Variants in DCAF16 observed in about 807,000 individuals in gnomAD.
DCAF16 encodes the protein DDB1- and CUL4-associated factor 16.
A neutral mutation model predicts 17.3 loss-of-function variants in DCAF16; 10 were observed. That is an observed-to-expected ratio of 0.58 (90% CI 0.36 to 0.98). The LOEUF is 0.98. Among genes scored for constraint, DCAF16 ranks in the 50% least tolerant of loss-of-function variants. The pLI is 0.01. For missense variants in DCAF16, 249 were observed against 247.6 expected (o/e 1.01, Z -0.04); for synonymous variants, 111 against 92.8 (o/e 1.20, Z -1.12).
Position 17,802,655 on chromosome 4 carries a change from A to G in DCAF16, c.*836T>C, listed in dbSNP as rs1400137280. 2 of 150,422 alleles carry G rather than the reference A, an allele frequency of 1.3e-5. No homozygotes were observed. Among genetic ancestry groups the G allele is most frequent in the African/African-American group, 4.9e-5 (2 of 40,944 alleles). The allele number at this position is 150,422 out of a possible 1,614,324, so 9.3% of individuals were successfully genotyped here. ...TCAACTACCTCAAAAAAAAAAAAAA[A>G]GAAAAAATAAAAGGAACCCTAAAGA... On this transcript the variant is annotated 3_prime_UTR_variant, in exon 3 of 3. Transcript: ENST00000382247.
At position 17,804,144 on chromosome 4, in the gene DCAF16, G is replaced by C; in HGVS notation, c.-3C>G. The C allele has an allele frequency of 6.2e-7, 1 of 1,609,630 alleles. No individual in the cohort carries two copies. The highest frequency in any genetic ancestry group is 8.5e-7 in the Non-Finnish European group (1 of 1,178,224). Reference sequence around the variant, plus strand: ...GGAGAGGGATTTCTAGGACCCATCAGAATAAAACACAGTAAGGAACCAGAA... The same window carrying C: ...GGAGAGGGATTTCTAGGACCCATCACAATAAAACACAGTAAGGAACCAGAA... On this transcript the variant is annotated 5_prime_UTR_variant, in exon 3 of 3. Transcript: ENST00000382247.
the DCAF16 span, among the ~76,000 whole-genome samples, chr4:17,793,989 T>C: frequency 2.6e-5 from 4 of 151,858 alleles, no homozygotes; most frequent in Non-Finnish European, 5.9e-5. Flanking sequence ...AATATTAACA[T>C]AAACAAAGCA....
chr4:17,800,478 C>T (rs531743390), downstream of DCAF16, among the ~76,000 whole-genome samples: 3 of 148,552 alleles, frequency 2.0e-5, no homozygotes, highest in African/African-American at 7.4e-5. Context: ...GAATATCAGA[C>T]ATTTTCTTCT....
rs1720213975 is a variant in DCAF16 at position 17,805,221 on chromosome 4, A to G, written c.-745T>C. On this transcript the variant is annotated 5_prime_UTR_variant, in exon 2 of 3. Coordinates refer to ENST00000382247, the MANE Select transcript of DCAF16 (RefSeq NM_017741.4). ...GTTGTGATCCTATCACCAATTCTAT[A>G]TAAGCTGTTCCACAAAAAAGAAAAA... 1 of 151,642 alleles carries G rather than the reference A, an allele frequency of 6.6e-6. No individual in the cohort carries two copies. Among genetic ancestry groups the G allele is most frequent in the Admixed American group, 6.6e-5 (1 of 15,172 alleles). The allele number at this position is 151,642 out of a possible 1,614,324, so 9.4% of individuals were successfully genotyped here.
Position 17,803,636 on chromosome 4 carries a change from ATCTGTTTTAGGTAT to A in DCAF16, c.492_505del (p.Glu164AspfsTer3), listed in dbSNP as rs1205243902. The A allele has an allele frequency of 6.2e-7, 1 of 1,614,122 alleles. No homozygotes were observed. The highest frequency in any genetic ancestry group is 2.2e-5 in the East Asian group (1 of 44,880). ...ACACCCAGAAACACATGAATTAGGG[ATCTGTTTTAGGTAT>A]TCAGGTATGGGAGTGGCTCTACTCA... On this transcript the variant is annotated frameshift_variant, in exon 3 of 3. Transcript: ENST00000382247. LOFTEE classifies it high-confidence loss of function.
chr4:17,806,685 C>G (rs1302213559), intron 1 of DCAF16, among the ~76,000 whole-genome samples: 6 of 152,020 alleles, frequency 3.9e-5, no homozygotes, highest in Admixed American at 2.6e-4. Flanking sequence ...TATAAACAAA[C>G]CTTAAAGTTT....
At chr4:17,808,465 A>G (rs16895782) in intron 1 of DCAF16, among the ~76,000 whole-genome samples, 20,168 of 152,250 alleles carry the variant, frequency 0.13, 1,473 homozygotes, top group South Asian at 0.24. Flanking sequence ...GTTTCACAGT[A>G]CAAAAGTCAG....
chr4:17,805,554 A>C lies in DCAF16; in HGVS notation c.-749-329T>G, dbSNP rs1259918835. ...CATGTATTTATTATTTAAAAGACAAAACATTTTTACCAAACTAGAAAGAGA... is the reference window on the plus strand; with the variant it reads ...CATGTATTTATTATTTAAAAGACAACACATTTTTACCAAACTAGAAAGAGA... On this transcript the variant is annotated intron_variant, in intron 1 of 2. Transcript: ENST00000382247. Among the ~76,000 whole-genome samples the C allele has an allele frequency of 2.6e-5, 4 of 152,338 alleles. No individual in the cohort carries two copies. In the East Asian group the frequency reaches 5.8e-4, roughly 22 times the overall value.
chr4:17,797,415 G>A (rs556216808), downstream of DCAF16, among the ~76,000 whole-genome samples: 64 of 152,206 alleles, frequency 4.2e-4, 1 homozygote, highest in South Asian at 0.012. Context: ...TTAAAGAAAC[G>A]TGTCCCAAGT....
downstream of DCAF16, among the ~76,000 whole-genome samples, chr4:17,797,762 G>A (rs141384373): frequency 2.4e-3 from 363 of 152,294 alleles, 1 homozygote; most frequent in African/African-American, 7.8e-3. Context: ...CCCTTGGGCT[G>A]TTCCACTTGT....
intron 1 of DCAF16, among the ~76,000 whole-genome samples, chr4:17,807,192 TAAAC>T (rs1395267770): frequency 6.6e-6 from 1 of 152,154 alleles, no homozygotes; most frequent in African/African-American, 2.4e-5. Flanking sequence ...AAAGACTTCT[TAAAC>T]AAAAAAGCAT....
At chr4:17,808,750 C>T (rs761399082) in intron 1 of DCAF16, among the ~76,000 whole-genome samples, 1 of 152,312 alleles carries the variant, frequency 6.6e-6, no homozygotes, top group African/African-American at 2.4e-5. Context: ...AAATACTAGC[C>T]GGGCGCGGTG....
intron 1 of DCAF16, among the ~76,000 whole-genome samples, chr4:17,809,170 A>G (rs887369743): frequency 6.6e-6 from 1 of 152,248 alleles, no homozygotes; most frequent in African/African-American, 2.4e-5. Context: ...GGTATGGCAT[A>G]TTAATACAAT....
chr4:17,809,741 C>T (rs930909957), intron 1 of DCAF16: 1 of 152,106 alleles, frequency 6.6e-6, no homozygotes. Context: ...ATTACATACG[C>T]AGAGGAGTCC....
Position 17,801,472 on chromosome 4 carries a change from A to G in DCAF16, c.*2019T>C, listed in dbSNP as rs1414003215. On this transcript the variant is annotated 3_prime_UTR_variant, in exon 3 of 3. Coordinates refer to ENST00000382247, the MANE Select transcript of DCAF16 (RefSeq NM_017741.4). ...GCCACTTTGTAAACGGCACTTAATT[A>G]TGGAAAATAGGAAAAAGCAAAACTA... is the stretch of plus-strand genomic sequence containing the variant. The G allele has an allele frequency of 6.6e-6, 1 of 152,146 alleles. No individual in the cohort carries two copies. Among genetic ancestry groups the G allele is most frequent in the Non-Finnish European group, 1.5e-5 (1 of 68,018 alleles). 9.4% of individuals were successfully genotyped at this position (152,146 alleles called of 1,614,324 possible).
At chr4:17,796,383 A>C (rs1308086570), downstream of DCAF16, among the ~76,000 whole-genome samples, 3 of 151,960 alleles carry the variant, frequency 2.0e-5, no homozygotes, top group East Asian at 5.8e-4. Flanking sequence ...CTTTCCCTTC[A>C]TGGTAAAGAA....
At position 17,803,538 on chromosome 4, in the gene DCAF16, T is replaced by G. The variant is rs374965038; in HGVS notation, c.604A>C (p.Thr202Pro). The G allele has an allele frequency of 4.3e-6, 7 of 1,614,034 alleles. No homozygotes were observed. Among genetic ancestry groups the G allele is most frequent in the Non-Finnish European group, 5.9e-6 (7 of 1,180,010 alleles). ...TTGTTAACTGCCTTTTGGAAGTCAG[T>G]GTAAGAATAAGTAGTGTTGATGGGT... ...TEPINTTYSY[T>P]DFQKAVNKLL... Residue 202 changes from threonine to proline, a missense_variant, in exon 3 of 3, where the codon ACT becomes CCT. Transcript: ENST00000382247.
intron 1 of DCAF16, among the ~76,000 whole-genome samples, chr4:17,806,387 G>A (rs1310915512): frequency 6.6e-6 from 1 of 152,096 alleles, no homozygotes; most frequent in Non-Finnish European, 1.5e-5. Context: ...CGGGGCCAGT[G>A]TTTCAACTCA....
At position 17,804,279 on chromosome 4, in the gene DCAF16, T is replaced by C. The variant is rs573484310; in HGVS notation, c.-138A>G. ...TTTGTCTTTCAGTCCGTTACACACA[T>C]AAAGTATGCTTGTGGCCCATACCAC... On this transcript the variant is annotated 5_prime_UTR_variant, in exon 3 of 3. The change abolishes an upstream ATG in the 5' untranslated region. Coordinates refer to ENST00000382247, the MANE Select transcript of DCAF16 (RefSeq NM_017741.4). 10 of 710,128 alleles carry C rather than the reference T, an allele frequency of 1.4e-5. No individual in the cohort carries two copies. The highest frequency in any genetic ancestry group is 2.9e-5 in the Admixed American group (1 of 34,540). 44.0% of individuals were successfully genotyped at this position (710,128 alleles called of 1,614,324 possible).
Sources: gnomAD v4.1 joint callset for allele counts (sites outside exome capture counted in the v4.1 genomes callset) on GRCh38, gnomAD v4.1.1 for gene constraint, MANE v1.5 for transcripts, NCBI Gene and HGNC (gene_info 2026-07-23, HGNC 2026-07-21) for gene names.